ZFHX3: variants seen among roughly 807,000 people sequenced by gnomAD.
The protein encoded by ZFHX3 is zinc finger homeobox 3.
Under a neutral mutation model 279.1 loss-of-function variants are expected in ZFHX3, and 42 were observed. The ratio of observed to expected loss-of-function variants is 0.15; its 90% CI spans 0.12 to 0.19. The LOEUF (loss-of-function observed/expected upper bound fraction) is 0.19, where lower values mean the gene tolerates loss of function less well. Among genes scored for constraint, ZFHX3 ranks in the 10% least tolerant of loss-of-function variants. ZFHX3 has a pLI of 1.00. For missense variants in ZFHX3, 4,981 were observed against 4,754.0 expected, an observed-to-expected ratio of 1.05 and a Z score of -1.40; for synonymous variants, 2,293 against 1,957.8, an observed-to-expected ratio of 1.17 and a Z score of -4.52.
intron 3 of ZFHX3, among the ~76,000 whole-genome samples, chr16:73,369,428 G>A (rs117322723): frequency 1.7e-3 from 265 of 152,330 alleles, no homozygotes; most frequent in Non-Finnish European, 2.8e-3. Flanking sequence ...TCGAATGCCC[G>A]TGAAGCCAGC....
intron 4 of ZFHX3, among the ~76,000 whole-genome samples, chr16:72,872,152 C>T (rs1169239054): frequency 6.6e-6 from 1 of 152,020 alleles, no homozygotes; most frequent in Admixed American, 6.6e-5. Context: ...AATAAGATTC[C>T]TAACATCCCC....
chr16:72,797,551 T>G lies in ZFHX3; in HGVS notation c.5131A>C (p.Asn1711His). The change falls in exon 9 of 10, where the codon AAT (asparagine) becomes CAT (histidine). Residue 1711 changes from asparagine (N) to histidine (H), a missense_variant. Around this residue, in one of 7 missense-constraint regions of ZFHX3, gnomAD observed 1,751 missense variants for 1,770.0 expected, o/e 0.99. Coordinates refer to ENST00000268489, the MANE Select transcript of ZFHX3 (RefSeq NM_006885.4). ...IASPSEPKEANRKKLADMIAS... is the reference protein window; with the variant it reads ...IASPSEPKEAHRKKLADMIAS... ...ATCATATCTGCCAGTTTCTTCCGAT[T>G]GGCCTCTTTGGGCTCTGAAGGGGAA... 6.2e-7 allele frequency: 1 copy of G among 1,614,144 alleles called. No individual in the cohort carries two copies. Among genetic ancestry groups the G allele is most frequent in the Non-Finnish European group, 8.5e-7 (1 of 1,180,020 alleles).
intron 5 of ZFHX3, among the ~76,000 whole-genome samples, chr16:73,242,919 T>G (rs1340417855): frequency 6.6e-6 from 1 of 152,128 alleles, no homozygotes; most frequent in Non-Finnish European, 1.5e-5. Flanking sequence ...TATGGAATAA[T>G]GAATCACGAG....
intron 1 of ZFHX3, among the ~76,000 whole-genome samples, chr16:73,747,865 A>C (rs441148): frequency 2.0e-5 from 3 of 152,008 alleles, no homozygotes; most frequent in Non-Finnish European, 4.4e-5. Flanking sequence ...GACCAGTTGC[A>C]TAGCCTCCAA....
intron 5 of ZFHX3, among the ~76,000 whole-genome samples, chr16:73,183,071 G>C (rs1401088258): frequency 2.0e-5 from 3 of 152,164 alleles, no homozygotes; most frequent in African/African-American, 4.8e-5. Context: ...GGGGTGTGGT[G>C]GTGGGCGCCT....
intron 5 of ZFHX3, among the ~76,000 whole-genome samples, chr16:73,251,524 T>G (rs1428094140): frequency 6.6e-6 from 1 of 152,238 alleles, no homozygotes; most frequent in East Asian, 1.9e-4. Flanking sequence ...ATCATTATAA[T>G]CCCAGAACCT....
chr16:73,849,420 C>G lies in ZFHX3; in HGVS notation c.-1608+42231G>C, dbSNP rs115012701. On this transcript the variant is annotated intron_variant, in intron 1 of 17. Transcript: ENST00000641206. ...CTCTAATAGCCAATGTGTTAGTTCT[C>G]TCCCGCTTTGCATACTGGAAGGTAT... 5.6e-4 allele frequency among the ~76,000 whole-genome samples: 86 copies of G among 152,278 alleles called. 1 individual carries two copies. Among genetic ancestry groups the G allele is most frequent in the African/African-American group, 2.1e-3 (86 of 41,562 alleles).
At chr16:73,043,875 C>T (rs1291897168) in intron 1 of ZFHX3, among the ~76,000 whole-genome samples, 1 of 152,150 alleles carries the variant, frequency 6.6e-6, no homozygotes, top group East Asian at 1.9e-4. Context: ...AGAGAAAAGC[C>T]CTCTGACAGT....
chr16:73,069,472 G>A (rs964799215), intron 8 of ZFHX3, among the ~76,000 whole-genome samples: 1 of 152,120 alleles, frequency 6.6e-6, no homozygotes, highest in Non-Finnish European at 1.5e-5. Context: ...CTACAGAATC[G>A]TGCACACCCA....
intron 2 of ZFHX3, among the ~76,000 whole-genome samples, chr16:72,956,885 G>A (rs1961276170): frequency 6.6e-6 from 1 of 151,296 alleles, no homozygotes; most frequent in Non-Finnish European, 1.5e-5. Flanking sequence ...AGAGAACTTT[G>A]AGAAGTCTAT....
chr16:73,818,952 A>G (rs541130070), intron 1 of ZFHX3, among the ~76,000 whole-genome samples: 1 of 152,196 alleles, frequency 6.6e-6, no homozygotes, highest in Non-Finnish European at 1.5e-5. Context: ...TGAACTATGC[A>G]AGGAGAACTC....
chr16:73,753,618 G>A (rs2053780070), intron 1 of ZFHX3, among the ~76,000 whole-genome samples: 1 of 152,306 alleles, frequency 6.6e-6, no homozygotes, highest in African/African-American at 2.4e-5. Context: ...CAAGGTAGCA[G>A]TACCATTCAA....
chr16:73,526,287 G>A (rs1191426595), intron 2 of ZFHX3, among the ~76,000 whole-genome samples: 1 of 152,178 alleles, frequency 6.6e-6, no homozygotes, highest in Non-Finnish European at 1.5e-5. Context: ...CTTGATTAAC[G>A]AGTGACAGGC....
chr16:72,897,893 G>A (rs558504146), intron 3 of ZFHX3, among the ~76,000 whole-genome samples: 20 of 152,268 alleles, frequency 1.3e-4, no homozygotes, highest in Non-Finnish European at 2.4e-4. Context: ...TGAGACTTGA[G>A]TCCAAGTACC....
chr16:73,657,498 G>A (rs559878855), intron 2 of ZFHX3, among the ~76,000 whole-genome samples: 6 of 152,102 alleles, frequency 3.9e-5, no homozygotes, highest in South Asian at 2.1e-4. Flanking sequence ...TTGGATTTTC[G>A]TGTACTCTCA....
At chr16:73,684,324 A>G (rs945985022) in intron 1 of ZFHX3, among the ~76,000 whole-genome samples, 1 of 149,888 alleles carries the variant, frequency 6.7e-6, no homozygotes, top group Admixed American at 6.6e-5. Context: ...TTGATATGGC[A>G]TGTGTGTGTG....
intron 8 of ZFHX3, among the ~76,000 whole-genome samples, chr16:73,077,597 A>C (rs1250455237): frequency 6.6e-6 from 1 of 152,150 alleles, no homozygotes; most frequent in Non-Finnish European, 1.5e-5. Flanking sequence ...AGAAACGTTT[A>C]AGAGTTCATC....
At chr16:72,843,788 C>G (rs2037409849) in intron 4 of ZFHX3, among the ~76,000 whole-genome samples, 1 of 152,050 alleles carries the variant, frequency 6.6e-6, no homozygotes, top group African/African-American at 2.4e-5. Context: ...AAAGCAATGC[C>G]TAATTTTTCT....
rs114407751 is a variant in ZFHX3 at position 73,141,806 on chromosome 16, C to T, written c.-1024+1946G>A. On this transcript the variant is annotated intron_variant, in intron 6 of 17. Coordinates refer to the ZFHX3 transcript ENST00000641206. The stretch of plus-strand genomic sequence containing the variant: ...CTCTGAGGCTCAGGAGGTAGTCTGC[C>T]CATGCAGAGAAAGAATAGGTCTGGA... Among the ~76,000 whole-genome samples the T allele has an allele frequency of 2.9e-3, 445 of 152,252 alleles. 2 individuals carry two copies. The highest frequency in any genetic ancestry group is 1.0e-2 in the African/African-American group (414 of 41,538).
Sources: gnomAD v4.1 joint callset for allele counts (sites outside exome capture counted in the v4.1 genomes callset) on GRCh38, gnomAD v4.1.1 for gene constraint, gnomAD v4.1.1 regional missense constraint, MANE v1.5 for transcripts, NCBI Gene and HGNC (gene_info 2026-07-23, HGNC 2026-07-21) for gene names.